Variants in CDC42SE2 observed in about 807,000 individuals in gnomAD.
CDC42SE2 encodes the protein CDC42 small effector protein 2.
Under a neutral mutation model 11.5 loss-of-function variants are expected in CDC42SE2, and 3 were observed. That is an observed-to-expected ratio of 0.26 (90% confidence interval 0.12 to 0.67). The LOEUF (loss-of-function observed/expected upper bound fraction) is 0.67, where lower values mean the gene tolerates loss of function less well. Among genes scored for constraint, CDC42SE2 ranks in the 30% least tolerant of loss-of-function variants. The pLI is 0.80. For synonymous variants in CDC42SE2, 33 were observed against 34.8 expected (o/e 0.95, Z 0.18); for missense variants, 82 against 106.8 (o/e 0.77, Z 1.02).
intron 2 of CDC42SE2, among the ~76,000 whole-genome samples, chr5:131,256,646 G>A (rs1362746197): frequency 6.6e-6 from 1 of 152,180 alleles, no homozygotes; most frequent in Non-Finnish European, 1.5e-5. Context: ...TCAGTTCCTT[G>A]AGGGTATAGG....
rs950973271 is a variant in CDC42SE2, at chr5:131,292,934, A to T, written c.-454-23042A>T. ...AAAAAAAAAAAAAAAAAAAAAAAAAACAGAAACAAACTATAATACAGCAAA... is the reference window on the plus strand; with the variant it reads ...AAAAAAAAAAAAAAAAAAAAAAAAATCAGAAACAAACTATAATACAGCAAA... On this transcript the variant is annotated intron_variant, in intron 1 of 4. Coordinates refer to ENST00000505065, the MANE Select transcript of CDC42SE2 (RefSeq NM_001375635.1). 2.0e-4 allele frequency among the ~76,000 whole-genome samples: 28 copies of T among 137,590 alleles called. No homozygotes were observed. In the Admixed American group the frequency reaches 2.1e-3, roughly 10 times the overall value. 90.3% of individuals were successfully genotyped at this position (137,590 alleles called of 152,430 possible).
chr5:131,388,797 G>A (rs1750566089), intron 4 of CDC42SE2, among the ~76,000 whole-genome samples: 3 of 152,002 alleles, frequency 2.0e-5, no homozygotes, highest in Non-Finnish European at 4.4e-5. Flanking sequence ...CTTAGAATCT[G>A]CTTGGCATTA....
intron 1 of CDC42SE2, among the ~76,000 whole-genome samples, chr5:131,296,620 A>G (rs895338795): frequency 6.6e-5 from 10 of 152,284 alleles, no homozygotes; most frequent in South Asian, 2.1e-4. Flanking sequence ...AAGGACAACA[A>G]TCATATTGGA....
the CDC42SE2 span, among the ~76,000 whole-genome samples, chr5:131,216,238 T>C: frequency 6.6e-6 from 1 of 152,156 alleles, no homozygotes; most frequent in African/African-American, 2.4e-5. Context: ...ACCTCACGCC[T>C]GTAATCCCAG....
exon 1 of CDC42SE2, chr5:131,245,564 T>G (rs999798449): frequency 1.3e-5 from 2 of 152,224 alleles, no homozygotes; most frequent in African/African-American, 2.4e-5. Context: ...TTAACAGTGT[T>G]TGGTGGCTTA....
chr5:131,334,682 G>A, intron 2 of CDC42SE2, among the ~76,000 whole-genome samples: 1 of 152,102 alleles, frequency 6.6e-6, no homozygotes, highest in Non-Finnish European at 1.5e-5. Flanking sequence ...CTTCTTCCTG[G>A]TTTAGTCTTG....
chr5:131,353,553 A>G (rs1317995042), intron 2 of CDC42SE2, among the ~76,000 whole-genome samples: 1 of 152,148 alleles, frequency 6.6e-6, no homozygotes, highest in African/African-American at 2.4e-5. Flanking sequence ...AAGTGCTAGG[A>G]TTACAGGTCT....
chr5:131,353,709 C>A (rs146338384), intron 2 of CDC42SE2, among the ~76,000 whole-genome samples: 1,682 of 152,048 alleles, frequency 0.011, 12 homozygotes, highest in Middle Eastern at 0.017. Context: ...CGTTTGAGAC[C>A]AGCCTAGCCA....
intron 1 of CDC42SE2, among the ~76,000 whole-genome samples, chr5:131,287,727 GC>G (rs1355339924): frequency 2.6e-5 from 4 of 151,932 alleles, no homozygotes; most frequent in Admixed American, 2.6e-4. Context: ...GCCCTCTTCG[GC>G]CTCCCAAAGT....
intron 1 of CDC42SE2, among the ~76,000 whole-genome samples, chr5:131,307,064 A>G (rs573521039): frequency 6.6e-6 from 1 of 150,706 alleles, no homozygotes; most frequent in Non-Finnish European, 1.5e-5. Context: ...CTTTTTTTTT[A>G]ATTTTTTTAT....
chr5:131,309,247 T>G (rs1757846111), intron 1 of CDC42SE2, among the ~76,000 whole-genome samples: 1 of 151,338 alleles, frequency 6.6e-6, no homozygotes, highest in East Asian at 1.9e-4. Flanking sequence ...CTGGATTACA[T>G]TTATTGATTT....
At chr5:131,241,501 C>T (rs945531063), upstream of CDC42SE2, among the ~76,000 whole-genome samples, 3 of 152,110 alleles carry the variant, frequency 2.0e-5, no homozygotes, top group African/African-American at 7.2e-5. Context: ...TTTAAGGTTG[C>T]TAATATGACC....
At chr5:131,277,848 GT>G (rs1273965668) in intron 1 of CDC42SE2, among the ~76,000 whole-genome samples, 2 of 152,026 alleles carry the variant, frequency 1.3e-5, no homozygotes, top group Non-Finnish European at 2.9e-5. Flanking sequence ...GAAATTATGT[GT>G]TTTTTAAAAT....
chr5:131,297,661 A>G (rs769499122), intron 1 of CDC42SE2, among the ~76,000 whole-genome samples: 8 of 152,272 alleles, frequency 5.3e-5, no homozygotes, highest in South Asian at 2.1e-4. Context: ...CGGAGCTTGC[A>G]GTGAGTCAAG....
intron 2 of CDC42SE2, among the ~76,000 whole-genome samples, chr5:131,341,510 G>C (rs969455494): frequency 9.9e-5 from 15 of 152,262 alleles, no homozygotes; most frequent in Admixed American, 2.6e-4. Flanking sequence ...AGGAAGCCAG[G>C]GGAGTATGTG....
At chr5:131,264,259 C>T (rs1309997362) in intron 1 of CDC42SE2, 93 bp downstream of exon 1, 1 of 152,218 alleles carries the variant, frequency 6.6e-6, no homozygotes, top group Non-Finnish European at 1.5e-5. Flanking sequence ...AACCCTCGTC[C>T]CTGAGGGCTC....
At position 131,368,271 on chromosome 5, in the gene CDC42SE2, A is replaced by G. The variant is rs975350652; in HGVS notation, c.54+8724A>G. Among the ~76,000 whole-genome samples the G allele has an allele frequency of 4.0e-5, 6 of 151,728 alleles. No individual in the cohort carries two copies. The South Asian group carries it at 1.0e-3, about 26-fold the overall frequency. ...CCATCTCAAAAAAAAAAAAAAAAAA[A>G]AAGAAGTCTTTCCCCTCCCCACTGG... On this transcript the variant is annotated intron_variant, in intron 3 of 4. Transcript: ENST00000505065.
the CDC42SE2 span, among the ~76,000 whole-genome samples, chr5:131,239,519 G>C: frequency 6.6e-6 from 1 of 152,192 alleles, no homozygotes; most frequent in Non-Finnish European, 1.5e-5. Flanking sequence ...TGGAGGGACT[G>C]TAATCTAATT....
chr5:131,241,731 T>C (rs1403808060), upstream of CDC42SE2, among the ~76,000 whole-genome samples: 1 of 151,962 alleles, frequency 6.6e-6, no homozygotes, highest in African/African-American at 2.4e-5. Flanking sequence ...ACACAAACAC[T>C]CAAACTCTCA....
Sources: gnomAD v4.1 joint callset for allele counts (sites outside exome capture counted in the v4.1 genomes callset) on GRCh38, gnomAD v4.1.1 for gene constraint, MANE v1.5 for transcripts, NCBI Gene and HGNC (gene_info 2026-07-23, HGNC 2026-07-21) for gene names.